TRIM5: variants seen among roughly 807,000 people sequenced by gnomAD.
TRIM5 encodes tripartite motif-containing protein 5.
A neutral mutation model predicts 35.6 loss-of-function variants in TRIM5; 31 were observed. The ratio of observed to expected loss-of-function variants is 0.87; its 90% CI spans 0.65 to 1.18. The LOEUF (loss-of-function observed/expected upper bound fraction) is 1.18, where lower values mean the gene tolerates loss of function less well. Among genes scored for constraint, TRIM5 ranks in the 50% most tolerant of loss-of-function variants. TRIM5 has a pLI of 0.00. For synonymous variants in TRIM5, 243 were observed against 215.6 expected, an observed-to-expected ratio of 1.13 and a Z score of -1.11; for missense variants, 609 against 591.6, an observed-to-expected ratio of 1.03 and a Z score of -0.31.
At chr11:5,629,691 C>G in the TRIM5 span, among the ~76,000 whole-genome samples, 1 of 152,160 alleles carries the variant, frequency 6.6e-6, no homozygotes, top group Non-Finnish European at 1.5e-5. Flanking sequence ...CAGGTGAGCT[C>G]TCCGTGAGGA....
rs1564923570 is a variant in TRIM5, at chr11:5,679,153, G to C, written c.434C>G (p.Ala145Gly). Residue 145 changes from alanine (A) to glycine (G), a missense_variant, in exon 3 of 8, where the codon GCT (alanine) becomes GGT (glycine). Physicochemically the swap from Ala to Gly is moderately conservative, Grantham distance 60. Transcript: ENST00000380034. ...CTGCTTCTGCCTCAGCATCTCCAGA[G>C]CTGCCTGGAGCTTCACCTGTGAGAA... ...AREYQVKLQAALEMLRQKQQE... is the reference protein window; with the variant it reads ...AREYQVKLQAGLEMLRQKQQE... 1 of 1,613,876 alleles carries C rather than the reference G, an allele frequency of 6.2e-7. No individual in the cohort carries two copies. Among genetic ancestry groups the C allele is most frequent in the East Asian group, 2.2e-5 (1 of 44,874 alleles).
At chr11:5,626,341 G>A in the TRIM5 span, among the ~76,000 whole-genome samples, 4 of 152,190 alleles carry the variant, frequency 2.6e-5, no homozygotes, top group Admixed American at 2.0e-4. Context: ...ACAAGAAGAT[G>A]ACTAATACTA....
At chr11:5,648,438 G>A in the TRIM5 span, among the ~76,000 whole-genome samples, 1 of 44,820 alleles carries the variant, frequency 2.2e-5, no homozygotes, top group Non-Finnish European at 5.9e-5. Context: ...CCTGGGAGGT[G>A]GAGGTTGCAG....
chr11:5,595,189 A>G, the TRIM5 span: 1 of 151,600 alleles, frequency 6.6e-6, no homozygotes, highest in Non-Finnish European at 1.5e-5. Flanking sequence ...CTCTCTCTAT[A>G]CCTCCCTCCC....
the TRIM5 span, among the ~76,000 whole-genome samples, chr11:5,607,076 C>T: frequency 2.0e-5 from 3 of 152,020 alleles, no homozygotes; most frequent in Non-Finnish European, 4.4e-5. Context: ...TGGTGGCGGG[C>T]GCCTGTAGTC....
chr11:5,660,940 A>G (rs1462149703), downstream of TRIM5, among the ~76,000 whole-genome samples: 2 of 150,484 alleles, frequency 1.3e-5, no homozygotes, highest in African/African-American at 2.4e-5. Flanking sequence ...TACTCGGGAG[A>G]CTGAGGCAGG....
intron 5 of TRIM5, 96 bp from the exon 6 acceptor site, chr11:5,666,177 T>G (rs961689455): frequency 2.0e-6 from 2 of 1,006,098 alleles, no homozygotes; most frequent in Admixed American, 2.3e-5. Context: ...ATTGAGGCAC[T>G]TGAACTCTCT....
chr11:5,603,518 G>C, the TRIM5 span: 1 of 1,614,078 alleles, frequency 6.2e-7, no homozygotes, highest in East Asian at 2.2e-5. Context: ...GGGAACCTGC[G>C]GCCTAATCGG....
the TRIM5 span, among the ~76,000 whole-genome samples, chr11:5,647,947 C>T: frequency 6.6e-6 from 1 of 152,156 alleles, no homozygotes; most frequent in Non-Finnish European, 1.5e-5. Context: ...TGACTCTCCA[C>T]CACCCAAATT....
the TRIM5 span, among the ~76,000 whole-genome samples, chr11:5,614,352 G>T: frequency 6.6e-6 from 1 of 152,192 alleles, no homozygotes; most frequent in Non-Finnish European, 1.5e-5. Context: ...TGGCAGAAAG[G>T]TGAAGAAAAC....
chr11:5,637,994 C>T, the TRIM5 span, among the ~76,000 whole-genome samples: 5 of 152,214 alleles, frequency 3.3e-5, no homozygotes, highest in African/African-American at 1.2e-4. Flanking sequence ...ACTAGCATGT[C>T]TATTTCCATC....
In TRIM5 at chr11:5,679,962, A is replaced by G. The variant is rs373834138; in HGVS notation, c.216T>C (p.His72=). ...YQPENIRPNR[H]VANIVEKLRE... is the part of the protein sequence containing the mutation. Reference sequence around the variant, plus strand: ...TGAGCTTCTCCACTATGTTGGCTACATGCCGATTAGGCCGTATGTTCTCAG... The same window carrying G: ...TGAGCTTCTCCACTATGTTGGCTACGTGCCGATTAGGCCGTATGTTCTCAG... Residue 72 remains histidine, a synonymous_variant, in exon 2 of 8, where the codon CAT becomes CAC. Transcript: ENST00000380034. 3.4e-5 allele frequency: 55 copies of G among 1,613,984 alleles called. No homozygotes were observed. The highest frequency in any genetic ancestry group is 4.5e-5 in the Non-Finnish European group (53 of 1,180,018).
At chr11:5,645,778 C>A in the TRIM5 span, 1 of 218,446 alleles carries the variant, frequency 4.6e-6, no homozygotes. Context: ...TGTTGATTCT[C>A]TGGATACATT....
chr11:5,603,797 T>C, the TRIM5 span: 3 of 1,576,870 alleles, frequency 1.9e-6, no homozygotes, highest in Admixed American at 3.5e-5. Flanking sequence ...TTTAACGTTT[T>C]ATCATGCTCT....
At chr11:5,642,843 G>T in the TRIM5 span, 4 of 1,613,230 alleles carry the variant, frequency 2.5e-6, no homozygotes, top group African/African-American at 1.3e-5. Context: ...GTGCTACTGG[G>T]GTAAGAAAAA....
At chr11:5,616,178 C>G in the TRIM5 span, among the ~76,000 whole-genome samples, 1 of 129,046 alleles carries the variant, frequency 7.7e-6, no homozygotes, top group Non-Finnish European at 1.7e-5. Context: ...GTCTCGATCT[C>G]CTGACTTCGT....
intron 4 of TRIM5, among the ~76,000 whole-genome samples, chr11:5,672,600 T>G (rs1246329874): frequency 1.3e-5 from 2 of 152,142 alleles, no homozygotes; most frequent in Non-Finnish European, 2.9e-5. Context: ...AAATTCATAA[T>G]AAACCTAAAC....
the TRIM5 span, among the ~76,000 whole-genome samples, chr11:5,633,253 G>A: frequency 3.5e-3 from 515 of 146,232 alleles, 4 homozygotes; most frequent in Middle Eastern, 7.3e-3. Flanking sequence ...TTTACCCCCT[G>A]TGGAACCATA....
rs1251751445 is a variant in TRIM5, at chr11:5,678,289, T to G, written c.659A>C (p.Glu220Ala). 6.2e-7 allele frequency: 1 copy of G among 1,614,162 alleles called. No individual in the cohort carries two copies. ...ILKSLTNSET[E>A]MVQQTQSLRE... ...CAGGGACTGGGTCTGCTGCACCATC[T>G]CAGTTTCAGAGTTCGTAAGGCTTTT... The change falls in exon 4 of 8, where the codon GAG becomes GCG. Residue 220 changes from glutamate (E) to alanine (A), a missense_variant. Physicochemically the swap from Glu to Ala is moderately radical, Grantham distance 107. Coordinates refer to ENST00000380034, the MANE Select transcript of TRIM5 (RefSeq NM_033034.3).
Sources: gnomAD v4.1 joint callset for allele counts (sites outside exome capture counted in the v4.1 genomes callset) on GRCh38, gnomAD v4.1.1 for gene constraint, MANE v1.5 for transcripts, NCBI Gene and HGNC (gene_info 2026-07-23, HGNC 2026-07-21) for gene names.